Variants in ARFGEF1 observed in about 807,000 individuals in gnomAD.
ARFGEF1 encodes brefeldin A-inhibited guanine nucleotide-exchange protein 1.
In ARFGEF1, 42 loss-of-function variants were observed where a neutral mutation model predicts 231.0. The observed-to-expected ratio is 0.18, with a 90% CI of 0.14 to 0.24. ARFGEF1 has a LOEUF of 0.24. Among genes scored for constraint, ARFGEF1 ranks in the 10% least tolerant of loss-of-function variants. ARFGEF1 has a pLI of 1.00. For synonymous variants in ARFGEF1, 710 were observed against 732.3 expected, an observed-to-expected ratio of 0.97 and a Z score of 0.49; for missense variants, 1,345 against 2,192.0, an observed-to-expected ratio of 0.61 and a Z score of 7.72.
At chr8:67,265,963 G>A (rs780202021) in intron 14 of ARFGEF1, 43 bp downstream of exon 14, 1 of 1,588,424 alleles carries the variant, frequency 6.3e-7, no homozygotes, top group East Asian at 2.2e-5. Flanking sequence ...TATACTGGCA[G>A]AGAGATATTC....
intron 6 of ARFGEF1, among the ~76,000 whole-genome samples, chr8:67,289,549 C>CAAAAAAAAAAAAAAAAAAAAAAA (rs552601455): frequency 2.2e-5 from 1 of 44,846 alleles, no homozygotes; most frequent in African/African-American, 7.1e-5. Context: ...ACTCTGTATC[C>CAAAAAAAAAAAAAAAAAAAAAAA]AAAAAAAAAA....
chr8:67,228,190 C>A (rs1839439454), intron 24 of ARFGEF1, 34 bp downstream of exon 24: 1 of 1,608,334 alleles, frequency 6.2e-7, no homozygotes, highest in South Asian at 1.1e-5. Flanking sequence ...TAGCCCCAAG[C>A]CAGTTCCGAA....
chr8:67,294,312 A>G (rs1806137764), intron 5 of ARFGEF1, among the ~76,000 whole-genome samples: 2 of 152,164 alleles, frequency 1.3e-5, no homozygotes, highest in East Asian at 3.8e-4. Context: ...ACTAACCAGG[A>G]TGTGACGAAT....
At chr8:67,292,706 CATT>C (rs1806061739) in intron 5 of ARFGEF1, among the ~76,000 whole-genome samples, 2 of 152,096 alleles carry the variant, frequency 1.3e-5, no homozygotes, top group South Asian at 4.1e-4. Flanking sequence ...GAAAAACTGT[CATT>C]ATTATGTATA....
At chr8:67,241,429 G>A (rs62513130) in intron 19 of ARFGEF1, among the ~76,000 whole-genome samples, 11 of 151,900 alleles carry the variant, frequency 7.2e-5, no homozygotes, top group Non-Finnish European at 1.5e-4. Context: ...GGAAGCCTGT[G>A]TTATATTTTA....
chr8:67,242,551 T>A (rs907329212), intron 19 of ARFGEF1, among the ~76,000 whole-genome samples: 37 of 152,150 alleles, frequency 2.4e-4, no homozygotes, highest in African/African-American at 8.9e-4. Context: ...GCCAGAGTGA[T>A]ATCCAGATAG....
intron 14 of ARFGEF1, 99 bp from the exon 15 acceptor site, chr8:67,260,025 T>C (rs1024575257): frequency 4.5e-6 from 3 of 672,756 alleles, no homozygotes; most frequent in Non-Finnish European, 2.5e-6. Context: ...ACCCAGAAAA[T>C]AGTAGCTTAT....
intron 5 of ARFGEF1, among the ~76,000 whole-genome samples, chr8:67,191,638 T>G (rs964127487): frequency 6.6e-6 from 1 of 152,254 alleles, no homozygotes; most frequent in Admixed American, 6.5e-5. Context: ...TTCCACTGTA[T>G]TAGTATCCCA....
chr8:67,260,440 T>C (rs1007484679), intron 14 of ARFGEF1, among the ~76,000 whole-genome samples: 9 of 152,190 alleles, frequency 5.9e-5, no homozygotes, highest in East Asian at 1.9e-4. Flanking sequence ...ATTCTCACAA[T>C]AGTTCACACT....
At chr8:67,209,878 C>T (rs1838660637) in intron 34 of ARFGEF1, among the ~76,000 whole-genome samples, 1 of 151,478 alleles carries the variant, frequency 6.6e-6, no homozygotes, top group East Asian at 2.0e-4. Flanking sequence ...TCCTGCCGGG[C>T]ACGGTGGCTC....
At chr8:67,245,002 T>C (rs756904686) in intron 19 of ARFGEF1, among the ~76,000 whole-genome samples, 3 of 150,500 alleles carry the variant, frequency 2.0e-5, no homozygotes, top group Non-Finnish European at 4.4e-5. Flanking sequence ...TAACATACAA[T>C]GAAGCTCCAA....
At position 67,294,440 on chromosome 8, in the gene ARFGEF1, T is replaced by G. The variant is rs188298312; in HGVS notation, c.639+1991A>C. Among the ~76,000 whole-genome samples, 409 of 152,300 alleles carry G rather than the reference T, an allele frequency of 2.7e-3. 2 individuals carry two copies. Among genetic ancestry groups the G allele is most frequent in the African/African-American group, 9.6e-3 (399 of 41,568 alleles). Reference sequence around the variant, plus strand: ...ACTAATCTAAGTAACTAGAAAATAATATTTTGAATGGATAAGGCTAAAGAC... The same window carrying G: ...ACTAATCTAAGTAACTAGAAAATAAGATTTTGAATGGATAAGGCTAAAGAC... On this transcript the variant is annotated intron_variant, in intron 5 of 38. Transcript: ENST00000262215.
At chr8:67,216,399 A>G (rs982211225) in intron 33 of ARFGEF1, among the ~76,000 whole-genome samples, 191 bp downstream of exon 33, 1 of 152,164 alleles carries the variant, frequency 6.6e-6, no homozygotes, top group African/African-American at 2.4e-5. Flanking sequence ...AGCTCTCACC[A>G]GACACTTGAT....
intron 1 of ARFGEF1, among the ~76,000 whole-genome samples, chr8:67,323,033 C>T (rs946327391): frequency 2.6e-5 from 4 of 152,018 alleles, no homozygotes; most frequent in Non-Finnish European, 5.9e-5. Context: ...GGGTGGATAA[C>T]CTGAGGTCAA....
At chr8:67,237,186 C>T (rs947351271) in intron 22 of ARFGEF1, among the ~76,000 whole-genome samples, 2 of 152,202 alleles carry the variant, frequency 1.3e-5, no homozygotes, top group Non-Finnish European at 2.9e-5. Flanking sequence ...GGAGTAATTA[C>T]AGTTCTAATG....
chr8:67,195,412 ACAT>A, downstream of ARFGEF1: 1 of 1,614,042 alleles, frequency 6.2e-7, no homozygotes, highest in Non-Finnish European at 8.5e-7. Flanking sequence ...GACCCTGATG[ACAT>A]CATGAAACAC....
chr8:67,318,202 A>T (rs952981451), intron 1 of ARFGEF1, among the ~76,000 whole-genome samples: 4 of 146,600 alleles, frequency 2.7e-5, no homozygotes, highest in African/African-American at 9.9e-5. Flanking sequence ...GTGCCACTGC[A>T]TTCCAGCCTA....
At chr8:67,259,671 T>C (rs1260797795) in intron 15 of ARFGEF1, 144 bp downstream of exon 15, 1 of 523,664 alleles carries the variant, frequency 1.9e-6, no homozygotes, top group Non-Finnish European at 3.3e-6. Context: ...TCCCAGCACT[T>C]TGGGAGGCTG....
chr8:67,278,905 G>A (rs1435430327), intron 7 of ARFGEF1, among the ~76,000 whole-genome samples: 1 of 152,022 alleles, frequency 6.6e-6, no homozygotes, highest in East Asian at 1.9e-4. Flanking sequence ...GAGGACTTTT[G>A]GAGCTTCAAT....
Sources: gnomAD v4.1 joint callset for allele counts (sites outside exome capture counted in the v4.1 genomes callset) on GRCh38, gnomAD v4.1.1 for gene constraint, MANE v1.5 for transcripts, NCBI Gene and HGNC (gene_info 2026-07-23, HGNC 2026-07-21) for gene names.